PTPRF: variants seen among roughly 807,000 people sequenced by gnomAD.
PTPRF encodes protein tyrosine phosphatase receptor type F, also known as receptor-type tyrosine-protein phosphatase F.
Under a neutral mutation model 201.8 loss-of-function variants are expected in PTPRF, and 59 were observed. That is an observed-to-expected ratio of 0.29 (90% confidence interval 0.24 to 0.36). The LOEUF (loss-of-function observed/expected upper bound fraction) is 0.36. Among genes scored for constraint, PTPRF ranks in the 10% least tolerant of loss-of-function variants. The probability of loss-of-function intolerance (pLI) is 1.00; values close to 1 mark genes in which losing one functional copy is unlikely to be tolerated. For synonymous variants in PTPRF, 1,088 were observed against 1,089.7 expected (o/e 1.00, Z 0.03); for missense variants, 2,132 against 2,690.5 (o/e 0.79, Z 4.59).
chr1:43,541,500 A>G (rs999298271), intron 2 of PTPRF, among the ~76,000 whole-genome samples: 9 of 152,154 alleles, frequency 5.9e-5, no homozygotes, highest in African/African-American at 2.2e-4. Flanking sequence ...CTTTTCCCTC[A>G]AAGCAGTGAT....
rs754204068 is a variant in PTPRF, at chr1:43,591,225, C to A, written c.1203C>A (p.Ser401Arg). The A allele has an allele frequency of 6.2e-7, 1 of 1,600,938 alleles. No individual in the cohort carries two copies. Residue 401 changes from serine to arginine, a missense_variant, in exon 9 of 34, where the codon AGC becomes AGA. By Grantham distance (110) the Ser-to-Arg change is moderately radical. Transcript: ENST00000359947. ...ACAGCATCGGGCGAGGGCCGCCCAG[C>A]GAGGCAGTGCGGGCACGCACGGGAG... is the stretch of plus-strand genomic sequence containing the variant. Reference protein sequence around the residue: ...AVNSIGRGPPSEAVRARTGEQ... With the variant: ...AVNSIGRGPPREAVRARTGEQ...
chr1:43,580,894 T>C (rs1327912714), intron 7 of PTPRF, among the ~76,000 whole-genome samples: 1 of 152,230 alleles, frequency 6.6e-6, no homozygotes, highest in African/African-American at 2.4e-5. Flanking sequence ...GGGCGTGGCC[T>C]ATGGGCACAT....
intron 22 of PTPRF, 92 bp from the exon 23 acceptor site, chr1:43,613,526 T>C: frequency 9.6e-7 from 1 of 1,042,414 alleles, no homozygotes; most frequent in Non-Finnish European, 1.5e-6. Context: ...GTCACACATG[T>C]TCACATGTGC....
chr1:43,564,512 GT>G (rs1347158618), intron 5 of PTPRF, among the ~76,000 whole-genome samples: 1 of 152,214 alleles, frequency 6.6e-6, no homozygotes, highest in Non-Finnish European at 1.5e-5. Context: ...GCATGCGCCT[GT>G]TTCCACAGGT....
intron 22 of PTPRF, among the ~76,000 whole-genome samples, chr1:43,612,316 TCCTGGGAAGATA>T (rs1360651816): frequency 1.3e-5 from 2 of 152,024 alleles, no homozygotes; most frequent in Non-Finnish European, 2.9e-5. Flanking sequence ...CTTTCAAAGA[TCCTGGGAAGATA>T]CCTGGGAAGG....
At chr1:43,556,982 G>C (rs6687703) in intron 5 of PTPRF, among the ~76,000 whole-genome samples, 1 of 152,158 alleles carries the variant, frequency 6.6e-6, no homozygotes, top group East Asian at 1.9e-4. Context: ...GTGTTCTCAG[G>C]CTCCTCCCTG....
chr1:43,572,266 C>T (rs1309289829), intron 6 of PTPRF, among the ~76,000 whole-genome samples: 1 of 88,860 alleles, frequency 1.1e-5, no homozygotes, highest in Admixed American at 1.1e-4. Context: ...TTCTCTGAGC[C>T]CTTGTCAAGT....
chr1:43,561,501 G>T (rs1645804658), intron 5 of PTPRF, among the ~76,000 whole-genome samples: 1 of 152,082 alleles, frequency 6.6e-6, no homozygotes, highest in Non-Finnish European at 1.5e-5. Flanking sequence ...AGTCTGCTTT[G>T]GCAGAAGCTG....
intron 1 of PTPRF, among the ~76,000 whole-genome samples, chr1:43,536,284 G>C (rs748170300): frequency 1.3e-5 from 2 of 152,152 alleles, no homozygotes; most frequent in African/African-American, 2.4e-5. Flanking sequence ...AGGTTGTTTT[G>C]AGGTCAGTTT....
At position 43,591,321 on chromosome 1, in the gene PTPRF, G is replaced by T. The variant is rs942716991; in HGVS notation, c.1299G>T (p.Gln433His). Reference sequence around the variant, plus strand: ...TGAGCGCCAGCACCATGCTGGTGCAGTGGGAGCCTCCCGAGGAGCCCAACG... The same window carrying T: ...TGAGCGCCAGCACCATGCTGGTGCATTGGGAGCCTCCCGAGGAGCCCAACG... ...RMLSASTMLV[Q>H]WEPPEEPNGL... Residue 433 changes from glutamine to histidine, a missense_variant, in exon 9 of 34, where the codon CAG (glutamine) becomes CAT (histidine). Around this residue, in one of 6 missense-constraint regions of PTPRF, gnomAD observed 351 missense variants for 401.7 expected, o/e 0.87. Transcript: ENST00000359947. 2.1e-5 allele frequency: 33 copies of T among 1,551,894 alleles called. No individual in the cohort carries two copies. Among genetic ancestry groups the T allele is most frequent in the Non-Finnish European group, 2.4e-5 (28 of 1,149,200 alleles).
chr1:43,598,875 C>T lies in PTPRF; in HGVS notation c.2275C>T (p.Leu759Phe), dbSNP rs1193658685. 1 of 1,614,124 alleles carries T rather than the reference C, an allele frequency of 6.2e-7. No individual in the cohort carries two copies. Among genetic ancestry groups the T allele is most frequent in the East Asian group, 2.2e-5 (1 of 44,882 alleles). ...VRLENGEPRG[L>F]PIIQDVMLAE... is the part of the protein sequence containing the mutation. ...GCTGGAGAATGGCGAGCCCCGTGGA[C>T]TCCCCATCATCCAAGACGTCATGCT... is the stretch of plus-strand genomic sequence containing the variant. The change falls in exon 13 of 34, where the codon CTC (leucine) becomes TTC (phenylalanine). Residue 759 changes from leucine to phenylalanine, a missense_variant. By Grantham distance (22) the Leu-to-Phe change is conservative. Around this residue, in one of 6 missense-constraint regions of PTPRF, gnomAD observed 818 missense variants for 915.3 expected, o/e 0.89. Coordinates refer to ENST00000359947, the MANE Select transcript of PTPRF (RefSeq NM_002840.5).
At position 43,535,416 on chromosome 1, in the gene PTPRF, A is replaced by G. The variant is rs186282306; in HGVS notation, c.-125-2782A>G. On this transcript the variant is annotated intron_variant, in intron 1 of 33. Coordinates refer to ENST00000359947, the MANE Select transcript of PTPRF (RefSeq NM_002840.5). ...TTCTACTGAGGCTCTTTCTGCCACC[A>G]TCTGCCTCTGTGGTCCAGATGCACC... Among the ~76,000 whole-genome samples, 194 of 152,184 alleles carry G rather than the reference A, an allele frequency of 1.3e-3. 2 individuals carry two copies. The South Asian group carries it at 0.019, about 15-fold the overall frequency.
intron 12 of PTPRF, chr1:43,598,333 A>G (rs1652893321): frequency 8.4e-6 from 4 of 473,454 alleles, no homozygotes; most frequent in Non-Finnish European, 1.5e-5. Flanking sequence ...GATTGGTGTA[A>G]AAGATACTCA....
chr1:43,591,707 G>A, intron 9 of PTPRF, 105 bp from the exon 10 acceptor site: 1 of 1,490,468 alleles, frequency 6.7e-7, no homozygotes, highest in Admixed American at 2.0e-5. Context: ...TTGGGATGTA[G>A]GATAAGGGTG....
chr1:43,611,242 C>T (rs2154029292), intron 22 of PTPRF, among the ~76,000 whole-genome samples: 1 of 152,312 alleles, frequency 6.6e-6, no homozygotes, highest in East Asian at 1.9e-4. Flanking sequence ...TGTTGCAACC[C>T]AGCATGATTA....
chr1:43,551,967 T>A lies in PTPRF; in HGVS notation c.92-1525T>A, dbSNP rs1645063360. On this transcript the variant is annotated intron_variant, in intron 3 of 33. Coordinates refer to ENST00000359947, the MANE Select transcript of PTPRF (RefSeq NM_002840.5). ...CTCTGTTGGTACCTGCAGCTGCCAC[T>A]CCCTACCCCGCTCCCATAGACCCTC... Among the ~76,000 whole-genome samples the A allele has an allele frequency of 1.3e-5, 2 of 152,096 alleles. 1 individual carries two copies.
At chr1:43,607,015 C>T in intron 21 of PTPRF, 47 bp downstream of exon 21, 3 of 1,600,384 alleles carry the variant, frequency 1.9e-6, no homozygotes, top group Non-Finnish European at 2.6e-6. Context: ...TGCCCCTCGC[C>T]TTTCAGGCCC....
chr1:43,582,945 T>A (rs751874293), intron 7 of PTPRF: 12 of 426,066 alleles, frequency 2.8e-5, no homozygotes, highest in Non-Finnish European at 3.8e-5. Flanking sequence ...GGCACAGGAG[T>A]CTCGTCTCGT....
At chr1:43,574,406 CATAA>C (rs1646788312) in intron 6 of PTPRF, among the ~76,000 whole-genome samples, 1 of 152,050 alleles carries the variant, frequency 6.6e-6, no homozygotes, top group Admixed American at 6.5e-5. Flanking sequence ...TATATATTAG[CATAA>C]ATAACATTTT....
Sources: gnomAD v4.1 joint callset for allele counts (sites outside exome capture counted in the v4.1 genomes callset) on GRCh38, gnomAD v4.1.1 for gene constraint, gnomAD v4.1.1 regional missense constraint, MANE v1.5 for transcripts, NCBI Gene and HGNC (gene_info 2026-07-23, HGNC 2026-07-21) for gene names.